The following CNTNAP4 variants were observed in gnomAD, a reference collection of about 807,000 sequenced individuals.
The protein encoded by CNTNAP4 is contactin associated protein family member 4.
A neutral mutation model predicts 148.4 loss-of-function variants in CNTNAP4; 98 were observed. The ratio of observed to expected loss-of-function variants is 0.66; its 90% confidence interval spans 0.56 to 0.78. The LOEUF (loss-of-function observed/expected upper bound fraction) is 0.78, where lower values mean the gene tolerates loss of function less well. Ranked by LOEUF, CNTNAP4 falls within the 30% of genes least tolerant of loss-of-function variation. CNTNAP4 has a pLI of 0.00. For synonymous variants in CNTNAP4, 730 were observed against 565.1 expected, an observed-to-expected ratio of 1.29 and a Z score of -4.14; for missense variants, 1,935 against 1,565.6, an observed-to-expected ratio of 1.24 and a Z score of -3.98.
chr16:76,539,503 A>G (rs2084357463), intron 19 of CNTNAP4, among the ~76,000 whole-genome samples: 1 of 152,114 alleles, frequency 6.6e-6, no homozygotes, highest in Admixed American at 6.6e-5. Flanking sequence ...GATTTGCAGG[A>G]AAGAGAGTGC....
chr16:76,453,184 T>A (rs551581538), intron 8 of CNTNAP4, among the ~76,000 whole-genome samples: 1 of 152,184 alleles, frequency 6.6e-6, no homozygotes, highest in South Asian at 2.1e-4. Context: ...AAGGGAGAGG[T>A]CTTTCTGGGA....
intron 15 of CNTNAP4, among the ~76,000 whole-genome samples, chr16:76,513,020 A>G (rs918521454): frequency 1.3e-5 from 2 of 152,190 alleles, no homozygotes; most frequent in Non-Finnish European, 2.9e-5. Context: ...GTGGGAGGAA[A>G]AAATGTGGGA....
chr16:76,334,850 C>T (rs564849831), intron 2 of CNTNAP4, among the ~76,000 whole-genome samples: 1 of 152,062 alleles, frequency 6.6e-6, no homozygotes, highest in South Asian at 2.1e-4. Flanking sequence ...TAATTCTGCT[C>T]CTGCCTAGAT....
At chr16:76,443,238 A>G (rs1390850390) in intron 4 of CNTNAP4, among the ~76,000 whole-genome samples, 1 of 152,190 alleles carries the variant, frequency 6.6e-6, no homozygotes, top group Non-Finnish European at 1.5e-5. Flanking sequence ...AGTTAAGCAA[A>G]AAGTCTCCTC....
intron 21 of CNTNAP4, among the ~76,000 whole-genome samples, chr16:76,544,700 A>C (rs973020036): frequency 6.6e-6 from 1 of 152,162 alleles, no homozygotes; most frequent in Non-Finnish European, 1.5e-5. Context: ...ACACTTTTAT[A>C]TGTTAGATTA....
intron 4 of CNTNAP4, among the ~76,000 whole-genome samples, chr16:76,430,134 A>T (rs1040118305): frequency 2.0e-5 from 3 of 152,220 alleles, no homozygotes; most frequent in Non-Finnish European, 4.4e-5. Context: ...ACCTGTTCAT[A>T]GCATTGGCAT....
chr16:76,277,787 T>C, intron 1 of CNTNAP4, 40 bp downstream of exon 1: 2 of 1,255,702 alleles, frequency 1.6e-6, no homozygotes, highest in Non-Finnish European at 2.3e-6. Flanking sequence ...GCTGGGGGGC[T>C]CTCTGCAAAA....
chr16:76,325,639 T>C (rs375191808), intron 2 of CNTNAP4, among the ~76,000 whole-genome samples: 1 of 152,156 alleles, frequency 6.6e-6, no homozygotes. Context: ...TAGACCATAA[T>C]TCATGGCCTT....
intron 3 of CNTNAP4, among the ~76,000 whole-genome samples, chr16:76,416,677 A>G (rs149604470): frequency 2.6e-5 from 4 of 151,590 alleles, no homozygotes; most frequent in East Asian, 3.9e-4. Flanking sequence ...TGAATGTTCC[A>G]TGTGAGCTTA....
intron 3 of CNTNAP4, among the ~76,000 whole-genome samples, chr16:76,417,528 G>A (rs764940733): frequency 7.3e-5 from 11 of 151,512 alleles, no homozygotes; most frequent in Non-Finnish European, 1.6e-4. Flanking sequence ...TTAGGTGAAT[G>A]TAATATTAAT....
intron 20 of CNTNAP4, among the ~76,000 whole-genome samples, chr16:76,540,272 G>T (rs577860160): frequency 1.3e-5 from 2 of 152,124 alleles, no homozygotes; most frequent in East Asian, 3.9e-4. Flanking sequence ...TTGAAGAAAA[G>T]CACTAATAAT....
chr16:76,332,909 G>A (rs1280688098), intron 2 of CNTNAP4, among the ~76,000 whole-genome samples: 1 of 152,140 alleles, frequency 6.6e-6, no homozygotes, highest in Non-Finnish European at 1.5e-5. Context: ...GAGCAGGTTA[G>A]TGGTACGGGC....
intron 15 of CNTNAP4, among the ~76,000 whole-genome samples, chr16:76,501,751 T>A (rs2082653752): frequency 6.6e-6 from 1 of 152,000 alleles, no homozygotes; most frequent in Non-Finnish European, 1.5e-5. Flanking sequence ...ACCATGGGAA[T>A]ACAGAGGGGA....
intron 4 of CNTNAP4, among the ~76,000 whole-genome samples, chr16:76,432,822 C>T (rs1597516787): frequency 6.6e-6 from 1 of 152,048 alleles, no homozygotes; most frequent in Admixed American, 6.6e-5. Context: ...CTTCCTCATC[C>T]CCAACAGAAT....
chr16:76,278,851 G>C (rs1268847810), intron 1 of CNTNAP4, among the ~76,000 whole-genome samples: 1 of 152,124 alleles, frequency 6.6e-6, no homozygotes, highest in South Asian at 2.1e-4. Flanking sequence ...ACAAACTCAT[G>C]GGCACAAGTC....
chr16:76,504,175 A>G (rs2082755436), intron 15 of CNTNAP4, among the ~76,000 whole-genome samples: 3 of 152,124 alleles, frequency 2.0e-5, no homozygotes, highest in Admixed American at 2.0e-4. Context: ...AGTTTGAGAT[A>G]CACTACTAGA....
intron 1 of CNTNAP4, 77 bp downstream of exon 1, chr16:76,277,824 T>G: frequency 1.1e-6 from 1 of 930,906 alleles, no homozygotes; most frequent in South Asian, 1.4e-5. Flanking sequence ...TTGATGATGA[T>G]TATTTGCAGC....
At chr16:76,423,732 T>G (rs948969195) in intron 3 of CNTNAP4, among the ~76,000 whole-genome samples, 1 of 152,202 alleles carries the variant, frequency 6.6e-6, no homozygotes, top group African/African-American at 2.4e-5. Context: ...ATCTTGGTTA[T>G]GTATGAAAAA....
chr16:76,399,051 G>A (rs937463418), intron 3 of CNTNAP4, among the ~76,000 whole-genome samples: 19 of 152,134 alleles, frequency 1.2e-4, no homozygotes, highest in South Asian at 1.2e-3. Flanking sequence ...ATTCCCCTGC[G>A]CAAGCTCTCT....
Sources: gnomAD v4.1 joint callset for allele counts (sites outside exome capture counted in the v4.1 genomes callset) on GRCh38, gnomAD v4.1.1 for gene constraint, MANE v1.5 for transcripts, NCBI Gene and HGNC (gene_info 2026-07-23, HGNC 2026-07-21) for gene names.